SHISA6: variants seen among roughly 807,000 people sequenced by gnomAD.
SHISA6 encodes the protein protein shisa-6.
A neutral mutation model predicts 47.9 loss-of-function variants in SHISA6; 22 were observed. The observed-to-expected ratio is 0.46, with a 90% CI of 0.33 to 0.66. SHISA6 has a LOEUF of 0.66. Among genes scored for constraint, SHISA6 ranks in the 30% least tolerant of loss-of-function variants. The pLI is 0.02. For missense variants in SHISA6, 680 were observed against 764.6 expected, an observed-to-expected ratio of 0.89 and a Z score of 1.30; for synonymous variants, 388 against 337.8, an observed-to-expected ratio of 1.15 and a Z score of -1.63.
intron 3 of SHISA6, among the ~76,000 whole-genome samples, chr17:11,502,446 G>T (rs116438942): frequency 1.5e-5 from 2 of 130,254 alleles, no homozygotes; most frequent in African/African-American, 5.7e-5. Context: ...TAAAAACATC[G>T]GCCAGGTGCA....
chr17:11,269,753 G>C (rs960553760), intron 2 of SHISA6, among the ~76,000 whole-genome samples: 2 of 152,128 alleles, frequency 1.3e-5, no homozygotes, highest in South Asian at 2.1e-4. Context: ...GAGATGGTGA[G>C]ATTAGCTGGC....
chr17:11,509,514 C>G (rs1196471114), intron 3 of SHISA6, among the ~76,000 whole-genome samples: 1 of 152,226 alleles, frequency 6.6e-6, no homozygotes, highest in Non-Finnish European at 1.5e-5. Context: ...AGCACGAACA[C>G]TTTCCATGAA....
chr17:11,558,035 C>A lies in SHISA6; in HGVS notation c.1387C>A (p.Arg463=). 6.4e-7 allele frequency: 1 copy of A among 1,551,640 alleles called. No individual in the cohort carries two copies. The highest frequency in any genetic ancestry group is 1.2e-5 in the South Asian group (1 of 84,062). The part of the protein sequence containing the change: ...HSQDPLLSPE[R]TAFPEQSLSR... ...CCAGGACCCGCTGCTGTCCCCGGAG[C>A]GGACGGCCTTTCCCGAGCAGTCGCT... is the stretch of plus-strand genomic sequence containing the variant. The change falls in exon 6 of 6, where the codon CGG becomes AGG. Residue 463 remains arginine (R), a synonymous_variant. Transcript: ENST00000441885.
intron 3 of SHISA6, among the ~76,000 whole-genome samples, chr17:11,533,709 C>T (rs1017162343): frequency 6.6e-6 from 1 of 151,076 alleles, no homozygotes; most frequent in African/African-American, 2.4e-5. Context: ...TCTCCTGCCT[C>T]AGCCTCCCAA....
intron 2 of SHISA6, among the ~76,000 whole-genome samples, chr17:11,288,013 G>A (rs952848848): frequency 3.9e-5 from 6 of 151,930 alleles, no homozygotes; most frequent in African/African-American, 1.5e-4. Context: ...CTCATCTATA[G>A]CCCCACCATA....
intron 2 of SHISA6, among the ~76,000 whole-genome samples, chr17:11,362,930 T>G (rs1403354827): frequency 6.6e-6 from 1 of 152,192 alleles, no homozygotes; most frequent in Non-Finnish European, 1.5e-5. Context: ...GTTCTGAACC[T>G]TAAACTCCTT....
chr17:11,491,770 G>T (rs1974702), intron 3 of SHISA6, among the ~76,000 whole-genome samples: 57,456 of 135,058 alleles, frequency 0.43, 12,286 homozygotes, highest in East Asian at 0.56. Context: ...CTGGTGAAGT[G>T]TTTTTTTTTT....
intron 2 of SHISA6, among the ~76,000 whole-genome samples, chr17:11,357,427 AAC>A (rs1385151185): frequency 1.3e-5 from 2 of 152,192 alleles, no homozygotes; most frequent in East Asian, 3.8e-4. Flanking sequence ...AACTTTGGAA[AAC>A]ACAGAAGAGT....
chr17:11,345,262 T>TAG (rs1426509132), intron 2 of SHISA6, among the ~76,000 whole-genome samples: 2 of 152,110 alleles, frequency 1.3e-5, no homozygotes, highest in African/African-American at 2.4e-5. Flanking sequence ...CATGAGGGTG[T>TAG]AGATATCTCC....
intron 2 of SHISA6, among the ~76,000 whole-genome samples, chr17:11,314,945 C>T (rs1025556403): frequency 2.6e-5 from 4 of 152,134 alleles, no homozygotes; most frequent in Non-Finnish European, 5.9e-5. Flanking sequence ...TGTTCATGTG[C>T]ATCCACTTCT....
chr17:11,335,301 A>G (rs1911280945), intron 2 of SHISA6, among the ~76,000 whole-genome samples: 1 of 152,190 alleles, frequency 6.6e-6, no homozygotes, highest in Admixed American at 6.5e-5. Context: ...AGTGCCAGCC[A>G]TATTGGGTCA....
intron 1 of SHISA6, among the ~76,000 whole-genome samples, chr17:11,243,021 T>G (rs1907431344): frequency 6.6e-6 from 1 of 151,712 alleles, no homozygotes; most frequent in African/African-American, 2.4e-5. Flanking sequence ...GGTGCAAGAG[T>G]CCTCTCAGGG....
intron 2 of SHISA6, among the ~76,000 whole-genome samples, chr17:11,350,186 T>A (rs56013905): frequency 0.25 from 28,783 of 113,910 alleles, 3,412 homozygotes; most frequent in Middle Eastern, 0.38. Flanking sequence ...TTATTTATTT[T>A]TTTTTTTTTT....
chr17:11,539,710 C>CT (rs2071817180), intron 3 of SHISA6, among the ~76,000 whole-genome samples: 1 of 152,182 alleles, frequency 6.6e-6, no homozygotes, highest in East Asian at 1.9e-4. Flanking sequence ...CTGCAAACAG[C>CT]CTTGGAGCTC....
chr17:11,378,813 C>T (rs1912904714), intron 2 of SHISA6, among the ~76,000 whole-genome samples: 1 of 152,214 alleles, frequency 6.6e-6, no homozygotes, highest in Admixed American at 6.5e-5. Flanking sequence ...TATTTGTCAG[C>T]CTCAGCTGCT....
At chr17:11,315,425 C>A (rs1363996918) in intron 2 of SHISA6, among the ~76,000 whole-genome samples, 1 of 151,808 alleles carries the variant, frequency 6.6e-6, no homozygotes, top group Non-Finnish European at 1.5e-5. Context: ...TATTTCTCTT[C>A]TTTTTTTTCT....
At chr17:11,443,682 CAG>C (rs2142299438) in intron 3 of SHISA6, among the ~76,000 whole-genome samples, 1 of 152,210 alleles carries the variant, frequency 6.6e-6, no homozygotes, top group Admixed American at 6.5e-5. Flanking sequence ...GTCTGGCACA[CAG>C]AGTAACCACC....
chr17:11,296,981 C>T (rs1432967683), intron 2 of SHISA6, among the ~76,000 whole-genome samples: 1 of 152,176 alleles, frequency 6.6e-6, no homozygotes, highest in Non-Finnish European at 1.5e-5. Flanking sequence ...ACCGCAACCT[C>T]AGAAAGAGCA....
At chr17:11,369,638 C>T (rs11651764) in intron 2 of SHISA6, among the ~76,000 whole-genome samples, 24,197 of 152,186 alleles carry the variant, frequency 0.16, 2,037 homozygotes, top group South Asian at 0.27. Context: ...TCTCATAAGA[C>T]GCTGGGTGCA....
Sources: gnomAD v4.1 joint callset for allele counts (sites outside exome capture counted in the v4.1 genomes callset) on GRCh38, gnomAD v4.1.1 for gene constraint, MANE v1.5 for transcripts, NCBI Gene and HGNC (gene_info 2026-07-23, HGNC 2026-07-21) for gene names.